Variants in TMEM68 observed in about 807,000 individuals in gnomAD.
TMEM68 encodes the protein DGAT1/2-independent enzyme synthesizing storage lipids.
In TMEM68, 25 loss-of-function variants were observed where a neutral mutation model predicts 36.9. The observed-to-expected ratio is 0.68, with a 90% CI of 0.49 to 0.95. The LOEUF (loss-of-function observed/expected upper bound fraction) is 0.95. Ranked by LOEUF, TMEM68 falls within the 40% of genes least tolerant of loss-of-function variation. The probability of loss-of-function intolerance (pLI) is 0.00; values close to 1 mark genes in which losing one functional copy is unlikely to be tolerated. For missense variants in TMEM68, 333 were observed against 392.0 expected (o/e 0.85, Z 1.27); for synonymous variants, 131 against 124.4 (o/e 1.05, Z -0.35).
chr8:55,765,592 T>C (rs750242281), intron 1 of TMEM68, among the ~76,000 whole-genome samples: 3 of 152,212 alleles, frequency 2.0e-5, no homozygotes, highest in Non-Finnish European at 2.9e-5. Flanking sequence ...AGCAGCTTTT[T>C]TGGTAACTCG....
rs931991643 is a variant in TMEM68 at position 55,762,888 on chromosome 8, T to A, written c.72A>T (p.Ile24=). The change falls in exon 3 of 8, where the codon ATA becomes ATT. Residue 24 remains isoleucine, a synonymous_variant. Transcript: ENST00000434581. ...SVPYMICLIH[I]LEEWFGVEQL... Reference sequence around the variant, plus strand: ...GCTCCACACCAAACCATTCTTCGAGTATGTGAATCAGACAAATCATATAGG... The same window carrying A: ...GCTCCACACCAAACCATTCTTCGAGAATGTGAATCAGACAAATCATATAGG... The A allele has an allele frequency of 5.6e-6, 9 of 1,614,008 alleles. No homozygotes were observed. The African/African-American group carries it at 9.3e-5, about 17-fold the overall frequency.
chr8:55,757,651 C>T (rs1267523496), intron 3 of TMEM68, among the ~76,000 whole-genome samples: 1 of 152,114 alleles, frequency 6.6e-6, no homozygotes, highest in African/African-American at 2.4e-5. Flanking sequence ...AGGGGCAGAA[C>T]TCCACTCCCC....
Position 55,751,177 on chromosome 8 carries a change from G to A in TMEM68, c.494-20C>T. The A allele has an allele frequency of 6.4e-7, 1 of 1,566,968 alleles. No homozygotes were observed. The highest frequency in any genetic ancestry group is 8.6e-7 in the Non-Finnish European group (1 of 1,159,474). On this transcript the variant is annotated intron_variant, in intron 4 of 7. Transcript: ENST00000434581. ...TAAACCCTGTAAGAAACATGAGTAT[G>A]AAGTTACAACATAAGTATTTCTTGT...
rs1020718399 is a variant in TMEM68, at chr8:55,739,366, C to A, written c.*766G>T. 6.6e-6 allele frequency: 1 copy of A among 152,380 alleles called. No homozygotes were observed. The highest frequency in any genetic ancestry group is 1.5e-5 in the Non-Finnish European group (1 of 68,008). 9.4% of individuals were successfully genotyped at this position (152,380 alleles called of 1,614,324 possible). ...TGCACAGCACACCCTATATTGTTTG[C>A]CTATAGACTCTTGTTAAAAATATCA... On this transcript the variant is annotated 3_prime_UTR_variant, in exon 8 of 8. Transcript: ENST00000434581.
intron 1 of TMEM68, among the ~76,000 whole-genome samples, chr8:55,769,491 G>A (rs1239557107): frequency 6.6e-6 from 1 of 152,094 alleles, no homozygotes; most frequent in Non-Finnish European, 1.5e-5. Flanking sequence ...GGATGGCCCT[G>A]AGAAGTTTGT....
chr8:55,764,519 G>C (rs910202397), intron 1 of TMEM68, among the ~76,000 whole-genome samples: 2 of 152,146 alleles, frequency 1.3e-5, no homozygotes, highest in Non-Finnish European at 2.9e-5. Context: ...GAAAGCAAAG[G>C]ATGAAAGGAG....
intron 1 of TMEM68, among the ~76,000 whole-genome samples, chr8:55,770,923 C>T (rs1811134808): frequency 2.6e-5 from 4 of 151,814 alleles, no homozygotes; most frequent in Admixed American, 6.6e-5. Context: ...TGCGAAGCAG[C>T]GGCAGGAGGA....
At chr8:55,767,988 G>A (rs1811027170) in intron 1 of TMEM68, among the ~76,000 whole-genome samples, 1 of 152,106 alleles carries the variant, frequency 6.6e-6, no homozygotes, top group Non-Finnish European at 1.5e-5. Flanking sequence ...CAACATTTTA[G>A]AAGTTGGGAA....
At chr8:55,769,098 G>A (rs1585737696) in intron 1 of TMEM68, among the ~76,000 whole-genome samples, 1 of 150,188 alleles carries the variant, frequency 6.7e-6, no homozygotes, top group Non-Finnish European at 1.5e-5. Flanking sequence ...GCCAAGGCGG[G>A]TGGATCACTT....
intron 4 of TMEM68, among the ~76,000 whole-genome samples, chr8:55,755,802 A>G (rs1231560630): frequency 6.6e-6 from 1 of 152,044 alleles, no homozygotes; most frequent in Non-Finnish European, 1.5e-5. Flanking sequence ...AAAAAATAAC[A>G]ATACCTGCTT....
chr8:55,755,720 C>T (rs1040516716), intron 4 of TMEM68, among the ~76,000 whole-genome samples: 17 of 151,262 alleles, frequency 1.1e-4, no homozygotes, highest in South Asian at 2.1e-4. Flanking sequence ...ATCAACTATG[C>T]GCTAAATCAA....
At chr8:55,769,913 G>T (rs148839944) in intron 1 of TMEM68, among the ~76,000 whole-genome samples, 1 of 152,172 alleles carries the variant, frequency 6.6e-6, no homozygotes, top group Non-Finnish European at 1.5e-5. Context: ...GATTGCAGGC[G>T]TGAGCCACCC....
rs139142139 is a variant in TMEM68, at chr8:55,758,197, G to A, written c.326-1786C>T. ...CTACACTATGCACAAGATAACAGTA[G>A]GAGTCTGAAGTCTGTGCTGAACTGA... On this transcript the variant is annotated intron_variant, in intron 3 of 7. Coordinates refer to ENST00000434581, the MANE Select transcript of TMEM68 (RefSeq NM_001286657.2). 2.9e-3 allele frequency among the ~76,000 whole-genome samples: 441 copies of A among 152,298 alleles called. 3 individuals are homozygous for A. The highest frequency in any genetic ancestry group is 0.01 in the African/African-American group (423 of 41,558).
At chr8:55,766,535 C>A (rs1474052865) in intron 1 of TMEM68, among the ~76,000 whole-genome samples, 1 of 152,032 alleles carries the variant, frequency 6.6e-6, no homozygotes, top group East Asian at 1.9e-4. Flanking sequence ...CGCCACCACG[C>A]CCGGCTAATT....
intron 3 of TMEM68, among the ~76,000 whole-genome samples, chr8:55,759,342 G>C (rs963271204): frequency 6.6e-6 from 1 of 151,838 alleles, no homozygotes; most frequent in Admixed American, 6.6e-5. Flanking sequence ...AGGGTGAGGC[G>C]GGAGGATCAC....
intron 1 of TMEM68, among the ~76,000 whole-genome samples, chr8:55,765,673 A>G (rs955289037): frequency 6.6e-6 from 1 of 152,192 alleles, no homozygotes; most frequent in East Asian, 1.9e-4. Flanking sequence ...CTTGAAAAAA[A>G]CCTTTTTGAG....
At chr8:55,748,927 T>C (rs1810358757) in intron 5 of TMEM68, among the ~76,000 whole-genome samples, 1 of 152,214 alleles carries the variant, frequency 6.6e-6, no homozygotes, top group Admixed American at 6.5e-5. Context: ...ACTGGGGTCT[T>C]GACATCTTAA....
chr8:55,753,203 T>C (rs1450200683), intron 4 of TMEM68, among the ~76,000 whole-genome samples: 1 of 152,172 alleles, frequency 6.6e-6, no homozygotes, highest in Non-Finnish European at 1.5e-5. Flanking sequence ...CATTTTATTA[T>C]TGCTAAAAAC....
chr8:55,762,587 T>G, intron 3 of TMEM68, 48 bp downstream of exon 3: 2 of 1,612,524 alleles, frequency 1.2e-6, no homozygotes, highest in South Asian at 2.2e-5. Flanking sequence ...ACAGTTCCAA[T>G]GCAGCACACA....
Sources: allele counts gnomAD v4.1 joint callset (sites outside exome capture counted in the v4.1 genomes callset), GRCh38; gene constraint gnomAD v4.1.1; transcripts MANE v1.5; gene names NCBI Gene and HGNC (gene_info 2026-07-23, HGNC 2026-07-21).